SAMMSON: variants seen among roughly 807,000 people sequenced by gnomAD.
The protein encoded by SAMMSON is long intergenic non-protein coding RNA 1212.
chr3:70,017,223 G>A (rs965385914), intron 3 of SAMMSON, among the ~76,000 whole-genome samples: 4 of 152,156 alleles, frequency 2.6e-5, no homozygotes, highest in African/African-American at 9.7e-5. Flanking sequence ...CCATGAGCAT[G>A]GAATGTTATT....
chr3:70,366,492 G>GTTTTTTTTTTTTTTTTTTTTTTTTTTT, intron 9 of SAMMSON, among the ~76,000 whole-genome samples: 1 of 100,756 alleles, frequency 9.9e-6, no homozygotes, highest in Non-Finnish European at 2.1e-5. Context: ...GTGTTTTTAT[G>GTTTTTTTTTTTTTTTTTTTTTTTTTTT]TTTTTTTTTT....
chr3:70,077,032 T>TG (rs1051620092), intron 4 of SAMMSON, among the ~76,000 whole-genome samples: 1 of 152,118 alleles, frequency 6.6e-6, no homozygotes, highest in Non-Finnish European at 1.5e-5. Context: ...CTCTTCTTTG[T>TG]GGGGGGAATT....
chr3:70,234,679 T>C (rs892647307), intron 4 of SAMMSON, among the ~76,000 whole-genome samples: 2 of 152,032 alleles, frequency 1.3e-5, no homozygotes, highest in Non-Finnish European at 2.9e-5. Context: ...AATAGAGCTA[T>C]GGTCACAAGT....
intron 4 of SAMMSON, among the ~76,000 whole-genome samples, chr3:70,141,654 A>G (rs894365258): frequency 2.0e-5 from 3 of 152,198 alleles, no homozygotes; most frequent in Non-Finnish European, 2.9e-5. Flanking sequence ...TATGTTTTTA[A>G]ATGTCTTACA....
intron 4 of SAMMSON, among the ~76,000 whole-genome samples, chr3:70,231,533 G>A (rs1389442313): frequency 1.3e-5 from 2 of 152,142 alleles, no homozygotes; most frequent in East Asian, 1.9e-4. Context: ...CCAAAATTCT[G>A]GTCTGAATGA....
intron 4 of SAMMSON, chr3:70,126,038 T>C (rs2067457149): frequency 7.1e-6 from 7 of 984,934 alleles, no homozygotes; most frequent in Admixed American, 4.0e-5. Flanking sequence ...GTGGGCAAAT[T>C]CATTTTATTC....
rs531588503 is a variant in SAMMSON at position 70,377,613 on chromosome 3, G to A, written n.914-11961G>A. Among the ~76,000 whole-genome samples, 19 of 152,086 alleles carry A rather than the reference G, an allele frequency of 1.2e-4. No homozygotes were observed. In the South Asian group the frequency reaches 2.7e-3, roughly 22 times the overall value. On this transcript the variant is annotated intron_variant and non_coding_transcript_variant, in intron 9 of 9. Coordinates refer to ENST00000642114, the Ensembl canonical transcript of SAMMSON. The stretch of plus-strand genomic sequence containing the variant: ...AATTTAAGCAATTCAGAAACTCAGA[G>A]CCATAAAAGAAAAGAGAAATCTAAA...
At chr3:70,181,864 C>T (rs565060369) in intron 4 of SAMMSON, among the ~76,000 whole-genome samples, 2 of 152,122 alleles carry the variant, frequency 1.3e-5, no homozygotes, top group South Asian at 2.1e-4. Context: ...ACTGTGTCAA[C>T]GTGCAAATTA....
At chr3:70,238,978 A>G (rs1701639150) in intron 4 of SAMMSON, among the ~76,000 whole-genome samples, 1 of 152,198 alleles carries the variant, frequency 6.6e-6, no homozygotes, top group Admixed American at 6.5e-5. Context: ...TCTAACTCCT[A>G]AAATATTCAC....
At chr3:70,120,682 T>C (rs2067429225) in intron 4 of SAMMSON, 1 of 152,170 alleles carries the variant, frequency 6.6e-6, no homozygotes, top group Non-Finnish European at 1.5e-5. Flanking sequence ...AAACCTGAAT[T>C]GGCAGTGAAA....
chr3:70,119,815 T>C (rs2067425536), intron 4 of SAMMSON, among the ~76,000 whole-genome samples: 4 of 152,206 alleles, frequency 2.6e-5, no homozygotes, highest in South Asian at 4.1e-4. Flanking sequence ...AGCATGCACA[T>C]GAATATACAA....
chr3:70,047,859 G>T (rs1485665367), intron 3 of SAMMSON, among the ~76,000 whole-genome samples: 1 of 152,092 alleles, frequency 6.6e-6, no homozygotes, highest in Non-Finnish European at 1.5e-5. Flanking sequence ...GAGCAGAAGA[G>T]AGTTGATCTG....
chr3:70,147,694 T>G (rs2067555100), intron 4 of SAMMSON, among the ~76,000 whole-genome samples: 1 of 152,038 alleles, frequency 6.6e-6, no homozygotes, highest in Non-Finnish European at 1.5e-5. Context: ...TTATAAATCT[T>G]TTAGAAGAAA....
chr3:70,370,189 G>A (rs888910530), intron 9 of SAMMSON, among the ~76,000 whole-genome samples: 51 of 151,742 alleles, frequency 3.4e-4, no homozygotes, highest in African/African-American at 9.9e-4. Context: ...TATATACACC[G>A]CACTTTCTTT....
chr3:70,185,497 T>A (rs1277000652), intron 4 of SAMMSON, among the ~76,000 whole-genome samples: 2 of 152,166 alleles, frequency 1.3e-5, no homozygotes, highest in Admixed American at 1.3e-4. Context: ...ATTGAAAGCC[T>A]GGCATAGAAT....
At chr3:70,088,436 TCACCATGGTGCATCCAACGTG>T (rs959906201) in intron 4 of SAMMSON, among the ~76,000 whole-genome samples, 7 of 152,088 alleles carry the variant, frequency 4.6e-5, no homozygotes, top group South Asian at 2.1e-4. Flanking sequence ...TAACAGATGT[TCACCATGGTGCATCCAACGTG>T]CACCATGGTG....
chr3:70,144,339 A>G (rs969605332), intron 4 of SAMMSON, among the ~76,000 whole-genome samples: 1 of 152,074 alleles, frequency 6.6e-6, no homozygotes, highest in African/African-American at 2.4e-5. Flanking sequence ...CTTTACCCAT[A>G]CAGAGAAAAA....
chr3:70,221,811 C>A (rs916467285), intron 4 of SAMMSON, among the ~76,000 whole-genome samples: 1 of 152,022 alleles, frequency 6.6e-6, no homozygotes, highest in Non-Finnish European at 1.5e-5. Flanking sequence ...TTGCCATTTA[C>A]AGGACATTGC....
intron 6 of SAMMSON, among the ~76,000 whole-genome samples, chr3:70,285,586 C>T (rs1368795588): frequency 2.6e-5 from 4 of 151,870 alleles, no homozygotes; most frequent in South Asian, 2.1e-4. Flanking sequence ...AATGGGATGG[C>T]TGTGTCAAAT....
Sources: gnomAD v4.1 joint callset for allele counts (sites outside exome capture counted in the v4.1 genomes callset) on GRCh38, gnomAD v4.1.1 for gene constraint, MANE v1.5 for transcripts, NCBI Gene and HGNC (gene_info 2026-07-23, HGNC 2026-07-21) for gene names.